The following CDH4 variants were observed in gnomAD, a reference collection of about 807,000 sequenced individuals.
CDH4 encodes cadherin-4.
A neutral mutation model predicts 86.0 loss-of-function variants in CDH4; 33 were observed. The observed-to-expected ratio is 0.38, with a 90% CI of 0.29 to 0.51. The LOEUF is 0.51. Among genes scored for constraint, CDH4 ranks in the 20% least tolerant of loss-of-function variants. The probability of loss-of-function intolerance (pLI) is 0.86; values close to 1 mark genes in which losing one functional copy is unlikely to be tolerated. For synonymous variants in CDH4, 555 were observed against 549.4 expected, an observed-to-expected ratio of 1.01 and a Z score of -0.14; for missense variants, 1,114 against 1,307.4, an observed-to-expected ratio of 0.85 and a Z score of 2.28.
At chr20:61,673,761 G>A (rs80309294) in intron 2 of CDH4, among the ~76,000 whole-genome samples, 2,079 of 152,242 alleles carry the variant, frequency 0.014, 42 homozygotes, top group African/African-American at 0.047. Flanking sequence ...TTCAAAATGG[G>A]TTATGGAGAT....
chr20:61,359,314 C>T (rs1316123499), intron 2 of CDH4, among the ~76,000 whole-genome samples: 1 of 152,138 alleles, frequency 6.6e-6, no homozygotes, highest in East Asian at 1.9e-4. Context: ...TCAGCTACGC[C>T]GACCCCGAAT....
intron 2 of CDH4, among the ~76,000 whole-genome samples, chr20:61,669,955 G>T (rs2087368409): frequency 6.6e-6 from 1 of 152,184 alleles, no homozygotes; most frequent in Non-Finnish European, 1.5e-5. Flanking sequence ...CTGAGACAGT[G>T]TGGACCCTCG....
intron 2 of CDH4, among the ~76,000 whole-genome samples, chr20:61,589,215 G>A (rs2086500068): frequency 6.6e-6 from 1 of 152,186 alleles, no homozygotes; most frequent in Non-Finnish European, 1.5e-5. Flanking sequence ...TTCCCAGAGT[G>A]ATGAATGCTT....
In CDH4 at chr20:61,643,581, G is replaced by A. The variant is rs116058423; in HGVS notation, c.170-99982G>A. Among the ~76,000 whole-genome samples, 766 of 152,266 alleles carry A rather than the reference G, an allele frequency of 5.0e-3. 6 individuals are homozygous for A. The highest frequency in any genetic ancestry group is 0.018 in the African/African-American group (730 of 41,554). ...TGCATGTCCCATCTCTCCTTCACCC[G>A]TGTGTCCCATGTGTGTTGAAGAACA... is the stretch of plus-strand genomic sequence containing the variant. On this transcript the variant is annotated intron_variant, in intron 2 of 15. Transcript: ENST00000614565.
rs1314411118 is a variant in CDH4 at position 61,923,434 on chromosome 20, CT to C, written c.1375-16del. On this transcript the variant is annotated splice_polypyrimidine_tract_variant and intron_variant, in intron 9 of 15. Coordinates refer to ENST00000614565, the MANE Select transcript of CDH4 (RefSeq NM_001794.5). ...GAGCTGTGCCAGGTCACTCCCAGCCCTGATCTGTTGTTCCAGGCAGTCGACT... is the reference window on the plus strand; with the variant it reads ...GAGCTGTGCCAGGTCACTCCCAGCCCGATCTGTTGTTCCAGGCAGTCGACT... 1 of 1,613,436 alleles carries C rather than the reference CT, an allele frequency of 6.2e-7. No homozygotes were observed. The highest frequency in any genetic ancestry group is 1.3e-5 in the African/African-American group (1 of 74,940).
At chr20:61,308,002 A>G (rs569131098) in intron 2 of CDH4, among the ~76,000 whole-genome samples, 2 of 152,336 alleles carry the variant, frequency 1.3e-5, no homozygotes, top group Admixed American at 1.3e-4. Flanking sequence ...GAACAGCCAC[A>G]TGCCGAGTCC....
chr20:61,865,091 C>T (rs1344672897), intron 6 of CDH4, among the ~76,000 whole-genome samples: 1 of 152,136 alleles, frequency 6.6e-6, no homozygotes, highest in Non-Finnish European at 1.5e-5. Flanking sequence ...CCTGGCCTCT[C>T]CCTGTGCTCC....
At chr20:61,317,779 A>G (rs2123235081) in intron 2 of CDH4, among the ~76,000 whole-genome samples, 1 of 152,270 alleles carries the variant, frequency 6.6e-6, no homozygotes, top group South Asian at 2.1e-4. Flanking sequence ...GACAAAGGGC[A>G]CTTCTGGGAA....
intron 7 of CDH4, among the ~76,000 whole-genome samples, chr20:61,875,853 C>G (rs1241980446): frequency 1.3e-5 from 2 of 152,200 alleles, no homozygotes; most frequent in Non-Finnish European, 2.9e-5. Context: ...GTACAGGAAC[C>G]AGATACCGTC....
chr20:61,792,461 G>C (rs951862913), intron 4 of CDH4, among the ~76,000 whole-genome samples: 13 of 152,254 alleles, frequency 8.5e-5, no homozygotes, highest in Admixed American at 3.3e-4. Context: ...CTGGGTGCGC[G>C]GGAGTTAAGT....
intron 9 of CDH4, among the ~76,000 whole-genome samples, chr20:61,917,073 G>A (rs913319581): frequency 2.0e-5 from 3 of 152,116 alleles, no homozygotes; most frequent in Non-Finnish European, 4.4e-5. Context: ...TCACTTCTGC[G>A]GTCCAGCTCG....
intron 4 of CDH4, among the ~76,000 whole-genome samples, chr20:61,841,129 T>C (rs1982145640): frequency 6.6e-6 from 1 of 152,234 alleles, no homozygotes; most frequent in South Asian, 2.1e-4. Flanking sequence ...TCCAGAAGAC[T>C]GGACCTGGCT....
chr20:61,549,713 G>T (rs546371304), intron 2 of CDH4, among the ~76,000 whole-genome samples: 1 of 152,342 alleles, frequency 6.6e-6, no homozygotes. Context: ...GCCAGGCAGT[G>T]TCAGAGATGC....
At chr20:61,745,590 G>C (rs2088404340) in intron 3 of CDH4, among the ~76,000 whole-genome samples, 1 of 152,042 alleles carries the variant, frequency 6.6e-6, no homozygotes, top group Admixed American at 6.5e-5. Flanking sequence ...TGTGAGTCCT[G>C]ACGAGTCTAG....
intron 2 of CDH4, among the ~76,000 whole-genome samples, chr20:61,545,961 C>CGTGT (rs149485653): frequency 6.2e-5 from 3 of 48,342 alleles, no homozygotes; most frequent in South Asian, 2.1e-3. Context: ...GGTGTGTGTT[C>CGTGT]GTGTGTGTGT....
At chr20:61,781,015 G>A (rs1045474915) in intron 4 of CDH4, among the ~76,000 whole-genome samples, 10 of 152,182 alleles carry the variant, frequency 6.6e-5, no homozygotes, top group African/African-American at 1.7e-4. Flanking sequence ...TGGCTGCCCC[G>A]GAAATGTGCA....
chr20:61,781,901 G>A (rs772870619), intron 4 of CDH4, among the ~76,000 whole-genome samples: 26 of 152,190 alleles, frequency 1.7e-4, no homozygotes, highest in Non-Finnish European at 3.1e-4. Context: ...CAGTCAGAAT[G>A]GGGTCTTCTC....
intron 2 of CDH4, among the ~76,000 whole-genome samples, chr20:61,636,390 T>C (rs2086946794): frequency 6.6e-6 from 1 of 152,248 alleles, no homozygotes; most frequent in African/African-American, 2.4e-5. Flanking sequence ...AAGTTTCTTT[T>C]TAAGAGAGAG....
chr20:61,630,418 T>A (rs1002760), intron 2 of CDH4, among the ~76,000 whole-genome samples: 3 of 152,050 alleles, frequency 2.0e-5, no homozygotes, highest in East Asian at 1.9e-4. Flanking sequence ...AGGACTCTGC[T>A]TGGCTCAGGG....
Sources: allele counts gnomAD v4.1 joint callset (sites outside exome capture counted in the v4.1 genomes callset), GRCh38; gene constraint gnomAD v4.1.1; transcripts MANE v1.5; gene names NCBI Gene and HGNC (gene_info 2026-07-23, HGNC 2026-07-21).